DPY19L3: variants seen among roughly 807,000 people sequenced by gnomAD.
The protein encoded by DPY19L3 is dpy-19 like C-mannosyltransferase 3, also known as protein C-mannosyl-transferase DPY19L3.
A neutral mutation model predicts 92.3 loss-of-function variants in DPY19L3; 51 were observed. The observed-to-expected ratio is 0.55, with a 90% CI of 0.44 to 0.70. The LOEUF (loss-of-function observed/expected upper bound fraction) is 0.70. DPY19L3 is among the 30% of genes least tolerant of loss of function. The pLI is 0.00. For missense variants in DPY19L3, 706 were observed against 855.9 expected (o/e 0.82, Z 2.18); for synonymous variants, 309 against 315.2 (o/e 0.98, Z 0.21).
chr19:32,429,766 A>C (rs1268537798), intron 3 of DPY19L3, among the ~76,000 whole-genome samples: 1 of 150,198 alleles, frequency 6.7e-6, no homozygotes, highest in African/African-American at 2.5e-5. Context: ...GAAAAGAAAA[A>C]TAATGTAATT....
chr19:32,408,540 A>G (rs989742730), intron 2 of DPY19L3, among the ~76,000 whole-genome samples, 184 bp downstream of exon 2: 3 of 152,156 alleles, frequency 2.0e-5, no homozygotes, highest in Non-Finnish European at 2.9e-5. Flanking sequence ...AAGATGAAAG[A>G]GCTTTGATTA....
intron 16 of DPY19L3, among the ~76,000 whole-genome samples, chr19:32,470,097 A>G (rs1970312203): frequency 6.6e-6 from 1 of 152,230 alleles, no homozygotes; most frequent in Admixed American, 6.5e-5. Flanking sequence ...AAACATACAC[A>G]TGGCTTTGGT....
chr19:32,462,168 G>A (rs1970060191), intron 12 of DPY19L3, among the ~76,000 whole-genome samples: 1 of 152,094 alleles, frequency 6.6e-6, no homozygotes, highest in African/African-American at 2.4e-5. Flanking sequence ...GATAAGGGCT[G>A]TTTGAACACA....
At chr19:32,415,166 G>A (rs1043087949) in intron 3 of DPY19L3, among the ~76,000 whole-genome samples, 2 of 152,232 alleles carry the variant, frequency 1.3e-5, no homozygotes, top group Admixed American at 6.5e-5. Flanking sequence ...ATACAGGTCA[G>A]TATCCAGACA....
At chr19:32,437,819 A>C (rs1057114153) in intron 6 of DPY19L3, among the ~76,000 whole-genome samples, 4 of 151,942 alleles carry the variant, frequency 2.6e-5, no homozygotes, top group Admixed American at 6.6e-5. Flanking sequence ...AAGACTTTTA[A>C]AATTTTTATT....
intron 16 of DPY19L3, among the ~76,000 whole-genome samples, chr19:32,475,721 G>A (rs1028035476): frequency 5.3e-5 from 8 of 152,294 alleles, no homozygotes; most frequent in Admixed American, 3.3e-4. Context: ...GCACCTTCAC[G>A]TTTTCATTGA....
At chr19:32,473,780 C>T (rs1568361256) in intron 16 of DPY19L3, among the ~76,000 whole-genome samples, 2 of 152,156 alleles carry the variant, frequency 1.3e-5, no homozygotes, top group African/African-American at 2.4e-5. Context: ...AGAAGTCAGT[C>T]ATTTTCAAAT....
intron 2 of DPY19L3, among the ~76,000 whole-genome samples, chr19:32,410,851 G>T (rs756335789): frequency 6.6e-6 from 1 of 152,124 alleles, no homozygotes; most frequent in Non-Finnish European, 1.5e-5. Context: ...GCCACCAATT[G>T]TACCTAGATT....
rs1467503476 is a variant in DPY19L3 at position 32,468,768 on chromosome 19, G to A, written c.1652G>A (p.Arg551Lys). Residue 551 changes from arginine to lysine, a missense_variant, in exon 16 of 19, where the codon AGA becomes AAA. Transcript: ENST00000392250. Reference sequence around the variant, plus strand: ...ATGATGGATGAACTCTCCGAGTTGAGAGAATTCTATGATCCAGATACAGTG... The same window carrying A: ...ATGATGGATGAACTCTCCGAGTTGAAAGAATTCTATGATCCAGATACAGTG... Reference protein sequence around the residue: ...PGMMDELSELREFYDPDTVEL... With the variant: ...PGMMDELSELKEFYDPDTVEL... 3 of 1,613,932 alleles carry A rather than the reference G, an allele frequency of 1.9e-6. No individual in the cohort carries two copies. In the South Asian group the frequency reaches 3.3e-5, roughly 18 times the overall value.
At chr19:32,462,453 A>G (rs965628722) in intron 12 of DPY19L3, among the ~76,000 whole-genome samples, 2 of 152,200 alleles carry the variant, frequency 1.3e-5, no homozygotes, top group African/African-American at 4.8e-5. Context: ...AAACCACTGA[A>G]AGTGAATCCA....
chr19:32,477,603 A>G lies in DPY19L3; in HGVS notation c.1779A>G (p.Leu593=). 1 of 1,614,114 alleles carries G rather than the reference A, an allele frequency of 6.2e-7. No homozygotes were observed. ...TCAAGCTGTGCACGGGAAGGACCCT[A>G]ACCAACCACCCGCACTATGAAGACA... ...AGVKLCTGRT[L]TNHPHYEDSS... The change falls in exon 17 of 19, where the codon CTA becomes CTG. Residue 593 remains leucine, a synonymous_variant. Coordinates refer to ENST00000392250, the MANE Select transcript of DPY19L3 (RefSeq NM_001172774.2).
intron 3 of DPY19L3, among the ~76,000 whole-genome samples, chr19:32,423,170 A>G (rs2145437547): frequency 6.6e-6 from 1 of 152,308 alleles, no homozygotes. Context: ...AAAATTAGTG[A>G]TAGAACAAAA....
intron 3 of DPY19L3, among the ~76,000 whole-genome samples, chr19:32,423,312 C>T (rs1182038293): frequency 1.3e-5 from 2 of 151,914 alleles, no homozygotes; most frequent in Non-Finnish European, 2.9e-5. Flanking sequence ...GATCTTGGCT[C>T]ACTGCAACCT....
intron 3 of DPY19L3, among the ~76,000 whole-genome samples, chr19:32,425,961 C>G (rs963434612): frequency 2.6e-5 from 4 of 152,222 alleles, no homozygotes; most frequent in Admixed American, 2.0e-4. Flanking sequence ...TTCTCCTGAG[C>G]TGTAAAAGTC....
intron 9 of DPY19L3, among the ~76,000 whole-genome samples, chr19:32,454,235 G>A (rs1599647994): frequency 6.6e-6 from 1 of 152,240 alleles, no homozygotes; most frequent in East Asian, 1.9e-4. Context: ...AGTCTTTTAT[G>A]TAATTGACTT....
chr19:32,406,037 GGGCGCGGCCGCGGCGTCGGGGCGTCGGGA>G (rs1967929886), intron 1 of DPY19L3, 128 bp downstream of exon 1: 3 of 151,192 alleles, frequency 2.0e-5, no homozygotes, highest in African/African-American at 7.2e-5. Context: ...CGCAGTCGGG[GGGCGCGGCCGCGGCGTCGGGGCGTCGGGA>G]GGGGCGGAGC....
At chr19:32,408,640 C>T (rs907751260) in intron 2 of DPY19L3, among the ~76,000 whole-genome samples, 3 of 152,142 alleles carry the variant, frequency 2.0e-5, no homozygotes, top group Admixed American at 1.3e-4. Flanking sequence ...CCACCCACAC[C>T]CCAGATTTTA....
chr19:32,423,402 A>ATTTTTTTTTTTTTTT lies in DPY19L3; in HGVS notation c.238-9310_238-9296dup, dbSNP rs71176123. 6.8e-3 allele frequency among the ~76,000 whole-genome samples: 561 copies of ATTTTTTTTTTTTTTT among 82,016 alleles called. 34 individuals carry two copies. The highest frequency in any genetic ancestry group is 0.015 in the African/African-American group (315 of 20,834). The allele number at this position is 82,016 out of a possible 152,430, so 53.8% of individuals were successfully genotyped here. A position where few individuals can be genotyped will look rare whatever the true frequency, so the allele number is the denominator to read the frequency against. On this transcript the variant is annotated intron_variant, in intron 3 of 18. Transcript: ENST00000392250. ...AGGCATGCACCACCATGCCCAGCTA[A>ATTTTTTTTTTTTTTT]TTTTTTTTTTTTTTTTTTGGTATTT...
intron 10 of DPY19L3, among the ~76,000 whole-genome samples, chr19:32,456,510 C>T (rs1048335060): frequency 2.0e-5 from 3 of 151,572 alleles, no homozygotes; most frequent in African/African-American, 7.3e-5. Flanking sequence ...GATCTTGGCT[C>T]ACGGCAGTCT....
Sources: gnomAD v4.1 joint callset for allele counts (sites outside exome capture counted in the v4.1 genomes callset) on GRCh38, gnomAD v4.1.1 for gene constraint, MANE v1.5 for transcripts, NCBI Gene and HGNC (gene_info 2026-07-23, HGNC 2026-07-21) for gene names.